ESYT3: variants seen among roughly 807,000 people sequenced by gnomAD.
ESYT3 encodes the protein extended synaptotagmin-3.
Under a neutral mutation model 111.5 loss-of-function variants are expected in ESYT3, and 101 were observed. That is an observed-to-expected ratio of 0.91 (90% CI 0.77 to 1.07). The LOEUF is 1.07. Ranked by LOEUF, ESYT3 falls within the 50% of genes least tolerant of loss-of-function variation. The pLI is 0.00. For missense variants in ESYT3, 1,097 were observed against 1,109.4 expected, an observed-to-expected ratio of 0.99 and a Z score of 0.16; for synonymous variants, 416 against 446.8, an observed-to-expected ratio of 0.93 and a Z score of 0.87.
Position 138,440,787 on chromosome 3 carries a change from C to T in ESYT3, c.327+5662C>T, listed in dbSNP as rs920209165. On this transcript the variant is annotated intron_variant, in intron 1 of 22. Coordinates refer to ENST00000389567, the MANE Select transcript of ESYT3 (RefSeq NM_031913.5). This position sits in a 1 kb window ranked among gnomAD's most constrained non-coding sequence, Gnocchi z 4.2. ...GAGTGACAGAGTATGGGCCCTCTTT[C>T]CTCCAAGCCCAACAGAGGGATCTTA... Among the ~76,000 whole-genome samples the T allele has an allele frequency of 1.5e-4, 23 of 152,318 alleles. No individual in the cohort carries two copies. The South Asian group carries it at 3.5e-3, about 23-fold the overall frequency.
intron 2 of ESYT3, 31 bp from the exon 3 acceptor site, chr3:138,455,163 G>T: frequency 1.2e-6 from 2 of 1,613,378 alleles, no homozygotes; most frequent in South Asian, 2.2e-5. Flanking sequence ...GTACAGACCT[G>T]ACTACCAAGA....
rs141486185 is a variant in ESYT3 at position 138,463,788 on chromosome 3, A to G, written c.916-557A>G. 7.0e-3 allele frequency among the ~76,000 whole-genome samples: 1,071 copies of G among 152,328 alleles called. 11 individuals carry two copies. The highest frequency in any genetic ancestry group is 0.041 in the Middle Eastern group (12 of 294). ...TGCTCCAGTCTTTATTAACAGAGTT[A>G]TATCTCTTTCATTTCCTTTTAAACA... On this transcript the variant is annotated intron_variant, in intron 8 of 22. Transcript: ENST00000389567.
intron 1 of ESYT3, among the ~76,000 whole-genome samples, chr3:138,451,683 C>G (rs1340604993): frequency 6.6e-6 from 1 of 152,196 alleles, no homozygotes; most frequent in Admixed American, 6.5e-5. Context: ...CCGCGTGGGA[C>G]TGGGGTGGAG....
intron 16 of ESYT3, 144 bp downstream of exon 16, chr3:138,470,290 C>A (rs995525457): frequency 7.3e-6 from 10 of 1,368,774 alleles, no homozygotes; most frequent in Non-Finnish European, 9.5e-6. Context: ...ACTGAGGCCC[C>A]ACAAGGCCTC....
rs891771251 is a variant in ESYT3 at position 138,473,104 on chromosome 3, T to C, written c.2237+245T>C. The stretch of plus-strand genomic sequence containing the variant: ...GCTGGACTCTGGTTGGTAAGGTCCC[T>C]TCCAGCAGAACCATTGAGTTATACT... On this transcript the variant is annotated intron_variant, in intron 18 of 22. Transcript: ENST00000389567. 36 of 1,394,536 alleles carry C rather than the reference T, an allele frequency of 2.6e-5. No homozygotes were observed. In the African/African-American group the frequency reaches 4.9e-4, roughly 19 times the overall value. 86.4% of individuals were successfully genotyped at this position (1,394,536 alleles called of 1,614,324 possible).
chr3:138,455,803 C>T (rs928214643), intron 3 of ESYT3, among the ~76,000 whole-genome samples: 9 of 152,214 alleles, frequency 5.9e-5, no homozygotes, highest in Non-Finnish European at 1.3e-4. Flanking sequence ...TGAAGATCAG[C>T]AGGTGTCCCA....
Position 138,472,973 on chromosome 3 carries a change from A to G in ESYT3, c.2237+114A>G, listed in dbSNP as rs952270695. 15 of 1,515,322 alleles carry G rather than the reference A, an allele frequency of 9.9e-6. No individual in the cohort carries two copies. The Admixed American group carries it at 1.5e-4, about 15-fold the overall frequency. The allele number at this position is 1,515,322 out of a possible 1,614,324, so 93.9% of individuals were successfully genotyped here. A position where few individuals can be genotyped will look rare whatever the true frequency, so the allele number is the denominator to read the frequency against. ...TGTGCAAGTTGTTTTTTCACAAAAT[A>G]TCTTCCTAAGAGGCAGCATGGTGTG... is the stretch of plus-strand genomic sequence containing the variant. On this transcript the variant is annotated intron_variant, in intron 18 of 22. Transcript: ENST00000389567.
chr3:138,435,920 G>C lies in ESYT3; in HGVS notation c.327+795G>C, dbSNP rs1474415619. On this transcript the variant is annotated intron_variant, in intron 1 of 22. Coordinates refer to ENST00000389567, the MANE Select transcript of ESYT3 (RefSeq NM_031913.5). The surrounding 1 kb of genome is among the most constrained non-coding windows in gnomAD (Gnocchi z 4.8). Reference sequence around the variant, plus strand: ...CGGCAAGAGGGGTGTTCCGTCCAATGGTTGGTCTGCGGCAAACCCTTACTG... The same window carrying C: ...CGGCAAGAGGGGTGTTCCGTCCAATCGTTGGTCTGCGGCAAACCCTTACTG... 1.3e-5 allele frequency among the ~76,000 whole-genome samples: 2 copies of C among 152,182 alleles called. No individual in the cohort carries two copies. The highest frequency in any genetic ancestry group is 3.9e-4 in the East Asian group (2 of 5,188).
rs867223931 is a variant in ESYT3, at chr3:138,455,222, G to T, written c.398G>T (p.Ser133Ile). Residue 133 changes from serine to isoleucine, a missense_variant, in exon 3 of 23, where the codon AGC becomes ATC. Ser to Ile is a moderately radical substitution (Grantham distance 142). Coordinates refer to ENST00000389567, the MANE Select transcript of ESYT3 (RefSeq NM_031913.5). ...ATCTCTCAGACCTGGCCCTACCTAA[G>T]CATGATCATGGAAAGCAAGTTCCGG... ...KIISQTWPYL[S>I]MIMESKFREK... 1.2e-6 allele frequency: 2 copies of T among 1,614,030 alleles called. No individual in the cohort carries two copies. The highest frequency in any genetic ancestry group is 2.7e-5 in the African/African-American group (2 of 74,900).
At chr3:138,467,898 G>T (rs2033013034) in intron 11 of ESYT3, among the ~76,000 whole-genome samples, 1 of 152,110 alleles carries the variant, frequency 6.6e-6, no homozygotes, top group African/African-American at 2.4e-5. Flanking sequence ...TAATCCCACA[G>T]TGTAGCACTT....
Position 138,459,208 on chromosome 3 carries a change from C to G in ESYT3, c.603C>G (p.Ile201Met), listed in dbSNP as rs1164331384. Residue 201 changes from isoleucine to methionine, a missense_variant, in exon 5 of 23, where the codon ATC (isoleucine) becomes ATG (methionine). Ile to Met is a conservative substitution (Grantham distance 10). Coordinates refer to ENST00000389567, the MANE Select transcript of ESYT3 (RefSeq NM_031913.5). Reference protein sequence around the residue: ...LQICYIGDCEISVELQKIQAG... With the variant: ...LQICYIGDCEMSVELQKIQAG... ...TCAGCTACATCGGGGACTGTGAGAT[C>G]AGTGTGGAGCTGCAGAAGATTCAGG... is the stretch of plus-strand genomic sequence containing the variant. 2.6e-6 allele frequency: 4 copies of G among 1,537,102 alleles called. No homozygotes were observed. The highest frequency in any genetic ancestry group is 3.5e-6 in the Non-Finnish European group (4 of 1,132,714).
chr3:138,468,328 G>T, intron 12 of ESYT3, 134 bp downstream of exon 12: 1 of 802,836 alleles, frequency 1.2e-6, no homozygotes, highest in Non-Finnish European at 2.1e-6. Context: ...CACTCAGCCC[G>T]TCTCCACACA....
chr3:138,470,054 T>TC lies in ESYT3; in HGVS notation c.1504-3dup. ...CTTCAATGATCTCTCCCTCTTCTGT[T>TC]CCCAGACCTGTCCCCACAACAAGGA... On this transcript the variant is annotated splice_region_variant and splice_polypyrimidine_tract_variant and intron_variant, in intron 15 of 22. Coordinates refer to ENST00000389567, the MANE Select transcript of ESYT3 (RefSeq NM_031913.5). 6.2e-7 allele frequency: 1 copy of TC among 1,611,682 alleles called. No individual in the cohort carries two copies. Among genetic ancestry groups the TC allele is most frequent in the Admixed American group, 1.7e-5 (1 of 59,920 alleles).
chr3:138,437,757 C>T (rs777987597), intron 1 of ESYT3, among the ~76,000 whole-genome samples: 19 of 151,966 alleles, frequency 1.3e-4, no homozygotes, highest in Non-Finnish European at 2.5e-4. Flanking sequence ...GTGGGAGATG[C>T]GTGGGAGTGG....
intron 2 of ESYT3, among the ~76,000 whole-genome samples, chr3:138,453,858 T>TA (rs2032099682): frequency 6.6e-6 from 1 of 152,210 alleles, no homozygotes; most frequent in Non-Finnish European, 1.5e-5. Context: ...CTTTTGCTGT[T>TA]ACTGTTGTTT....
At position 138,472,246 on chromosome 3, in the gene ESYT3, T is replaced by C; in HGVS notation, c.1741-117T>C. The C allele has an allele frequency of 3.7e-6, 5 of 1,344,770 alleles. No homozygotes were observed. The East Asian group carries it at 1.2e-4, about 31-fold the overall frequency. 83.3% of individuals were successfully genotyped at this position (1,344,770 alleles called of 1,614,324 possible). On this transcript the variant is annotated intron_variant, in intron 17 of 22. Coordinates refer to ENST00000389567, the MANE Select transcript of ESYT3 (RefSeq NM_031913.5). ...CCATATGTATTACTGGAAATGGAAG[T>C]TCCCTAGGAAGGGTCTTTATAATTC...
rs577170720 is a variant in ESYT3, at chr3:138,451,024, C to T, written c.328-1024C>T. Among the ~76,000 whole-genome samples, 6 of 152,360 alleles carry T rather than the reference C, an allele frequency of 3.9e-5. No homozygotes were observed. In the South Asian group the frequency reaches 1.0e-3, roughly 26 times the overall value. On this transcript the variant is annotated intron_variant, in intron 1 of 22. Transcript: ENST00000389567. ...TGTGCAGGTACCCTGTACATGTCCA[C>T]GCTTACTCCTCTGTAAGAAAACCCC...
chr3:138,479,822 C>T lies in ESYT3; in HGVS notation c.*2968C>T, dbSNP rs1183077248. The T allele has an allele frequency of 1.3e-5, 2 of 152,220 alleles. No homozygotes were observed. The highest frequency in any genetic ancestry group is 4.8e-5 in the African/African-American group (2 of 41,448). 9.4% of individuals were successfully genotyped at this position (152,220 alleles called of 1,614,324 possible). A position where few individuals can be genotyped will look rare whatever the true frequency, so the allele number is the denominator to read the frequency against. On this transcript the variant is annotated 3_prime_UTR_variant, in exon 23 of 23. Transcript: ENST00000389567. The stretch of plus-strand genomic sequence containing the variant: ...TTCCTTTCTTGTTCACTCTCCCTTA[C>T]CCCTGGGGGTAAGGATCTGCATCCT...
chr3:138,473,627 G>A lies in ESYT3; in HGVS notation c.2329G>A (p.Gly777Ser), dbSNP rs766069022. The A allele has an allele frequency of 1.9e-6, 3 of 1,613,386 alleles. No homozygotes were observed. Among genetic ancestry groups the A allele is most frequent in the Non-Finnish European group, 2.5e-6 (3 of 1,179,530 alleles). Reference sequence around the variant, plus strand: ...GCGCTGCCTCAGCGTGCTAATCAATGGCTGCAGGTAAAGGGATTCTAGGGC... The same window carrying A: ...GCGCTGCCTCAGCGTGCTAATCAATAGCTGCAGGTAAAGGGATTCTAGGGC... ...LRRCLSVLIN[G>S]CRNLTPCTSS... Residue 777 changes from glycine to serine, a missense_variant, in exon 19 of 23, where the codon GGC becomes AGC. Physicochemically the swap from Gly to Ser is moderately conservative, Grantham distance 56 (BLOSUM62 0). Transcript: ENST00000389567.
Sources: allele counts gnomAD v4.1 joint callset (sites outside exome capture counted in the v4.1 genomes callset), GRCh38; gene constraint gnomAD v4.1.1; non-coding constraint Gnocchi (gnomAD v3.1); transcripts MANE v1.5; gene names NCBI Gene and HGNC (gene_info 2026-07-23, HGNC 2026-07-21).